The following SPEN variants were observed in gnomAD, a reference collection of about 807,000 sequenced individuals.
SPEN encodes msx2-interacting protein.
Under a neutral mutation model 269.9 loss-of-function variants are expected in SPEN, and 18 were observed. The observed-to-expected ratio is 0.07, with a 90% CI of 0.05 to 0.10. The LOEUF is 0.10. Among genes scored for constraint, SPEN ranks in the 10% least tolerant of loss-of-function variants. The pLI, the probability that SPEN is intolerant of heterozygous loss-of-function variation, is 1.00. For synonymous variants in SPEN, 1,726 were observed against 1,765.7 expected (o/e 0.98, Z 0.56); for missense variants, 3,822 against 4,631.2 (o/e 0.83, Z 5.07).
rs145141045 is a variant in SPEN at position 15,929,007 on chromosome 1, G to A, written c.2767G>A (p.Glu923Lys). ...LDQKLQVSQT[E>K]PAKSDLSKLE... ...CCAGAAACTTCAGGTCTCTCAGACG[G>A]AGCCTGCAAAATCTGACTTGTCTAA... Residue 923 changes from glutamate (E) to lysine (K), a missense_variant, in exon 11 of 15, where the codon GAG becomes AAG. By Grantham distance (56) the Glu-to-Lys change is moderately conservative. This residue lies in a region of SPEN where 572 missense variants were observed against 582.6 expected (regional missense o/e 0.98). Coordinates refer to ENST00000375759, the MANE Select transcript of SPEN (RefSeq NM_015001.3). The surrounding 1 kb of genome is among the most constrained non-coding windows in gnomAD (Gnocchi z 5.8). The A allele has an allele frequency of 6.2e-7, 1 of 1,614,210 alleles. No homozygotes were observed. The highest frequency in any genetic ancestry group is 2.2e-5 in the East Asian group (1 of 44,878).
chr1:15,926,077 T>A (rs962426887), intron 10 of SPEN, among the ~76,000 whole-genome samples: 15 of 152,188 alleles, frequency 9.9e-5, no homozygotes, highest in African/African-American at 3.6e-4. Context: ...AAATATTTTC[T>A]TTGAACTGAG....
chr1:15,901,512 T>C (rs12077944), intron 3 of SPEN, among the ~76,000 whole-genome samples: 23,351 of 151,120 alleles, frequency 0.15, 2,073 homozygotes, highest in Admixed American at 0.26. Context: ...GCGTGGTGGT[T>C]CATACGTGTG....
Position 15,929,424 on chromosome 1 carries a change from A to G in SPEN, c.3184A>G (p.Ser1062Gly). 2 of 1,613,876 alleles carry G rather than the reference A, an allele frequency of 1.2e-6. No individual in the cohort carries two copies. The highest frequency in any genetic ancestry group is 1.7e-6 in the Non-Finnish European group (2 of 1,179,934). Residue 1062 changes from serine (S) to glycine (G), a missense_variant, in exon 11 of 15, where the codon AGC becomes GGC. By Grantham distance (56) the Ser-to-Gly change is moderately conservative. Around this residue, in one of 16 missense-constraint regions of SPEN, gnomAD observed 572 missense variants for 582.6 expected, o/e 0.98. Coordinates refer to ENST00000375759, the MANE Select transcript of SPEN (RefSeq NM_015001.3). The surrounding 1 kb of genome is among the most constrained non-coding windows in gnomAD (Gnocchi z 5.8). ...ACTGGACAGACTTAATACTGTTGCC[A>G]GCCCCAAAGACTGTCAGGAGCTTGC... The part of the protein sequence containing the change: ...IKLDRLNTVA[S>G]PKDCQELASI...
chr1:15,888,521 G>A (rs1157951754), intron 3 of SPEN, among the ~76,000 whole-genome samples: 3 of 151,646 alleles, frequency 2.0e-5, no homozygotes, highest in Non-Finnish European at 2.9e-5. Context: ...ACAGGGTTTC[G>A]CCATATTGGT....
chr1:15,916,307 T>A (rs1218357621), intron 6 of SPEN, 28 bp downstream of exon 6: 1 of 1,603,244 alleles, frequency 6.2e-7, no homozygotes, highest in East Asian at 2.2e-5. Context: ...TGTAAACAAT[T>A]TTAGGTCTTT....
intron 1 of SPEN, among the ~76,000 whole-genome samples, chr1:15,849,606 GA>G (rs1295093555): frequency 1.3e-5 from 2 of 151,598 alleles, no homozygotes; most frequent in Non-Finnish European, 2.9e-5. Context: ...TCGTGCCTGA[GA>G]AACCAGGCGG....
Position 15,937,052 on chromosome 1 carries a change from G to C in SPEN, c.10027-111G>C, listed in dbSNP as rs549252917. On this transcript the variant is annotated intron_variant, in intron 11 of 14. Transcript: ENST00000375759. The surrounding 1 kb of genome is among the most constrained non-coding windows in gnomAD (Gnocchi z 5.7). ...CTCCTTCTGTGGGCCTGACTTAACGGGAGATGCCACATCTTATCCTTTCCC... is the reference window on the plus strand; with the variant it reads ...CTCCTTCTGTGGGCCTGACTTAACGCGAGATGCCACATCTTATCCTTTCCC... 1.1e-3 allele frequency: 1,578 copies of C among 1,464,858 alleles called. No homozygotes were observed. The highest frequency in any genetic ancestry group is 1.4e-3 in the Non-Finnish European group (1,481 of 1,088,786). The allele number at this position is 1,464,858 out of a possible 1,614,324, so 90.7% of individuals were successfully genotyped here.
chr1:15,934,747 A>G lies in SPEN; in HGVS notation c.8507A>G (p.Gln2836Arg). 6.2e-7 allele frequency: 1 copy of G among 1,614,186 alleles called. No homozygotes were observed. Among genetic ancestry groups the G allele is most frequent in the Non-Finnish European group, 8.5e-7 (1 of 1,180,028 alleles). Residue 2836 changes from glutamine to arginine, a missense_variant, in exon 11 of 15, where the codon CAG (glutamine) becomes CGG (arginine). Gln to Arg is a conservative substitution (Grantham distance 43). This residue lies in a region of SPEN where 329 missense variants were observed against 431.2 expected (regional missense o/e 0.76). Coordinates refer to ENST00000375759, the MANE Select transcript of SPEN (RefSeq NM_015001.3). The surrounding 1 kb of genome is among the most constrained non-coding windows in gnomAD (Gnocchi z 9.2). Reference sequence around the variant, plus strand: ...CAGCGGATCAGCGCCAAGATCAGCCAGATCCCCCCGGCCAGTGCAATGGAC... The same window carrying G: ...CAGCGGATCAGCGCCAAGATCAGCCGGATCCCCCCGGCCAGTGCAATGGAC... ...GPQRISAKIS[Q>R]IPPASAMDIE... is the part of the protein sequence containing the mutation.
chr1:15,856,453 A>T (rs544191945), intron 1 of SPEN, among the ~76,000 whole-genome samples: 15 of 152,048 alleles, frequency 9.9e-5, no homozygotes, highest in African/African-American at 3.4e-4. Flanking sequence ...GATTTTCGTC[A>T]CCAATACAAA....
At position 15,937,486 on chromosome 1, in the gene SPEN, G is replaced by T; in HGVS notation, c.10350G>T (p.Gln3450His). 3 of 1,613,860 alleles carry T rather than the reference G, an allele frequency of 1.9e-6. No individual in the cohort carries two copies. Among genetic ancestry groups the T allele is most frequent in the Non-Finnish European group, 2.5e-6 (3 of 1,180,020 alleles). The change falls in exon 12 of 15, where the codon CAG (glutamine) becomes CAT (histidine). Residue 3450 changes from glutamine (Q) to histidine (H), a missense_variant. Gln to His is a conservative substitution (Grantham distance 24). Coordinates refer to ENST00000375759, the MANE Select transcript of SPEN (RefSeq NM_015001.3). This position sits in a 1 kb window ranked among gnomAD's most constrained non-coding sequence, Gnocchi z 5.7. ...KPDLPVSLPT[Q>H]TAPKQPLFVP... ...ACCTTCCAGTCTCTCTTCCCACTCA[G>T]ACTGCCCCAAAACAGCCGTTGTTTG...
At chr1:15,906,453 C>CTTTTTTTTTTTTTTTTTTTT (rs200731520) in intron 3 of SPEN, among the ~76,000 whole-genome samples, 15 of 92,586 alleles carry the variant, frequency 1.6e-4, no homozygotes, top group African/African-American at 2.0e-4. Flanking sequence ...TCTTTCTTTC[C>CTTTTTTTTTTTTTTTTTTTT]TTTTTTTTTT....
Position 15,934,349 on chromosome 1 carries a change from A to C in SPEN, c.8109A>C (p.Pro2703=), listed in dbSNP as rs1353666139. ...GGCCTGTGAATGTTCTTACGGGGCC[A>C]GTGAATGTTCTCACCACTCCAGTGA... ...LKGPVNVLTG[P]VNVLTTPVNA... Residue 2703 remains proline (P), a synonymous_variant, in exon 11 of 15, where the codon CCA becomes CCC. Coordinates refer to ENST00000375759, the MANE Select transcript of SPEN (RefSeq NM_015001.3). The surrounding 1 kb of genome is among the most constrained non-coding windows in gnomAD (Gnocchi z 9.2). 6.2e-7 allele frequency: 1 copy of C among 1,613,522 alleles called. No homozygotes were observed. Among genetic ancestry groups the C allele is most frequent in the African/African-American group, 1.3e-5 (1 of 74,940 alleles).
intron 3 of SPEN, among the ~76,000 whole-genome samples, chr1:15,897,073 A>G (rs2070848508): frequency 6.6e-6 from 1 of 152,206 alleles, no homozygotes; most frequent in South Asian, 2.1e-4. Context: ...TCACTCTACT[A>G]ATTCAGTTAA....
At position 15,848,565 on chromosome 1, in the gene SPEN, C is replaced by T. The variant is rs895211851; in HGVS notation, c.83+415C>T. ...GAGCCCGCCCGACAGCCGGGTCCGG[C>T]GCCGCCACTCCAAGCTGCTCTGCGG... On this transcript the variant is annotated intron_variant, in intron 1 of 14. Transcript: ENST00000375759. This position sits in a 1 kb window ranked among gnomAD's most constrained non-coding sequence, Gnocchi z 5.1. Among the ~76,000 whole-genome samples, 9 of 152,070 alleles carry T rather than the reference C, an allele frequency of 5.9e-5. No individual in the cohort carries two copies. Among genetic ancestry groups the T allele is most frequent in the African/African-American group, 2.2e-4 (9 of 41,440 alleles).
intron 3 of SPEN, among the ~76,000 whole-genome samples, chr1:15,907,164 CAT>C (rs2070965018): frequency 1.3e-5 from 2 of 152,146 alleles, no homozygotes; most frequent in East Asian, 3.9e-4. Context: ...TATAAGAAAA[CAT>C]AGAACTTATT....
At chr1:15,892,012 C>CTTTTTTTTTTTTTTTTTT (rs71003216) in intron 3 of SPEN, among the ~76,000 whole-genome samples, 1 of 74,568 alleles carries the variant, frequency 1.3e-5, no homozygotes, top group Non-Finnish European at 2.4e-5. Context: ...TTTCTTTTTA[C>CTTTTTTTTTTTTTTTTTT]TTTTTTTTTT....
intron 2 of SPEN, among the ~76,000 whole-genome samples, chr1:15,875,551 GT>G (rs1013767256): frequency 3.3e-5 from 5 of 150,954 alleles, no homozygotes; most frequent in East Asian, 3.9e-4. Context: ...ACTTGAAGTG[GT>G]TTTTTTTTGA....
rs889347144 is a variant in SPEN at position 15,850,658 on chromosome 1, A to C, written c.83+2508A>C. Among the ~76,000 whole-genome samples the C allele has an allele frequency of 2.0e-5, 3 of 152,142 alleles. No homozygotes were observed. The South Asian group carries it at 6.2e-4, about 32-fold the overall frequency. On this transcript the variant is annotated intron_variant, in intron 1 of 14. Transcript: ENST00000375759. ...AGCTAAGTGGACCTTGTTTGGAGGA[A>C]CTCAAGGCCTTTTATCCCTATTGTG...
Position 15,935,806 on chromosome 1 carries a change from A to G in SPEN, c.9566A>G (p.Tyr3189Cys). 1.2e-6 allele frequency: 2 copies of G among 1,613,750 alleles called. No individual in the cohort carries two copies. Among genetic ancestry groups the G allele is most frequent in the East Asian group, 2.2e-5 (1 of 44,864 alleles). Residue 3189 changes from tyrosine (Y) to cysteine (C), a missense_variant, in exon 11 of 15, where the codon TAT (tyrosine) becomes TGT (cysteine). Transcript: ENST00000375759. This position sits in a 1 kb window ranked among gnomAD's most constrained non-coding sequence, Gnocchi z 7.7. ...VMQSEYRLHP[Y>C]TVPRDVRIMV... ...CAGTCTGAGTACCGACTGCACCCCT[A>G]TACTGTGCCACGGGATGTGAGGATC...
Sources: gnomAD v4.1 joint callset for allele counts (sites outside exome capture counted in the v4.1 genomes callset) on GRCh38, gnomAD v4.1.1 for gene constraint, gnomAD v4.1.1 regional missense constraint, Gnocchi (gnomAD v3.1) non-coding constraint, MANE v1.5 for transcripts, NCBI Gene and HGNC (gene_info 2026-07-23, HGNC 2026-07-21) for gene names.